Variants in GABRA3 observed in about 807,000 individuals in gnomAD.
GABRA3 encodes gamma-aminobutyric acid receptor subunit alpha-3.
GABRA3 carries 10 observed loss-of-function variants against 30.1 expected under a neutral mutation model. The ratio of observed to expected loss-of-function variants is 0.33; its 90% CI spans 0.20 to 0.56. The LOEUF is 0.56. GABRA3 is among the 20% of genes least tolerant of loss of function. GABRA3 has a pLI of 0.89. For missense variants in GABRA3, 233 were observed against 392.0 expected, an observed-to-expected ratio of 0.59 and a Z score of 3.42; for synonymous variants, 151 against 146.8, an observed-to-expected ratio of 1.03 and a Z score of -0.21.
At chrX:152,411,034 A>G (rs1930058473) in intron 1 of GABRA3, among the ~76,000 whole-genome samples, 1 of 112,213 alleles carries the variant, frequency 8.9e-6, no homozygotes, top group Non-Finnish European at 1.9e-5. Context: ...CGAAGGATGC[A>G]TGTGGTGACT....
At chrX:152,428,082 C>T (rs749338235) in intron 1 of GABRA3, among the ~76,000 whole-genome samples, 8 of 112,483 alleles carry the variant, frequency 7.1e-5, no homozygotes, top group East Asian at 5.6e-4. Flanking sequence ...AAAGCAATGA[C>T]GCCACTTAGA....
chrX:152,299,445 G>C (rs1387235341), intron 3 of GABRA3, among the ~76,000 whole-genome samples: 1 of 110,684 alleles, frequency 9.0e-6, no homozygotes, highest in Admixed American at 9.6e-5. Context: ...GGGAAGCAGG[G>C]GGAAGGTACA....
intron 1 of GABRA3, among the ~76,000 whole-genome samples, chrX:152,371,048 C>T (rs1460566487): frequency 9.0e-6 from 1 of 110,677 alleles, no homozygotes; most frequent in Admixed American, 9.7e-5. Context: ...ACTGTACCTG[C>T]CTGGAAAAAC....
intron 5 of GABRA3, among the ~76,000 whole-genome samples, chrX:152,226,917 C>A (rs757043951): frequency 1.8e-5 from 2 of 111,678 alleles, no homozygotes; most frequent in South Asian, 7.6e-4. Context: ...AAATAGAACT[C>A]TTTTACACTG....
intron 3 of GABRA3, among the ~76,000 whole-genome samples, chrX:152,340,832 T>A (rs1284405947): frequency 8.9e-6 from 1 of 111,973 alleles, no homozygotes; most frequent in Non-Finnish European, 1.9e-5. Context: ...TTGTTGACTT[T>A]CTTGGTTGGG....
At chrX:152,268,502 A>G (rs1180524645) in intron 4 of GABRA3, among the ~76,000 whole-genome samples, 1 of 112,335 alleles carries the variant, frequency 8.9e-6, no homozygotes, top group African/African-American at 3.2e-5. Flanking sequence ...CTGTGAGTCC[A>G]TTAAACCTCT....
intron 5 of GABRA3, among the ~76,000 whole-genome samples, chrX:152,230,984 C>T (rs1274592266): frequency 1.8e-5 from 2 of 109,359 alleles, no homozygotes; most frequent in African/African-American, 6.6e-5. Flanking sequence ...TTTTGCTTGT[C>T]AAAAGATACC....
chrX:152,214,475 T>C (rs1937679502), intron 6 of GABRA3, among the ~76,000 whole-genome samples: 1 of 111,697 alleles, frequency 9.0e-6, no homozygotes, highest in Admixed American at 9.5e-5. Context: ...TTTTGGTTAC[T>C]ATAGCTTCGT....
At chrX:152,238,987 A>G (rs1187895992) in intron 5 of GABRA3, among the ~76,000 whole-genome samples, 2 of 109,773 alleles carry the variant, frequency 1.8e-5, no homozygotes, top group Non-Finnish European at 3.8e-5. Context: ...TTGTGTCTCT[A>G]TTTCCTTCAG....
At chrX:152,431,843 T>C (rs1188930136) in intron 1 of GABRA3, among the ~76,000 whole-genome samples, 1 of 111,456 alleles carries the variant, frequency 9.0e-6, no homozygotes, top group Admixed American at 9.6e-5. Context: ...AGGAAGTCTC[T>C]AGAAGCCGGA....
chrX:152,236,564 C>T lies in GABRA3; in HGVS notation c.552-11719G>A, dbSNP rs1475426912. ...TTCCAGTTCTAGATCCCTGAGGAAT[C>T]GCCACACTGACTTCCACAATGGTTG... On this transcript the variant is annotated intron_variant, in intron 5 of 9. Coordinates refer to ENST00000370314, the MANE Select transcript of GABRA3 (RefSeq NM_000808.4). Among the ~76,000 whole-genome samples, 744 of 100,018 alleles carry T rather than the reference C, an allele frequency of 7.4e-3. 12 individuals carry two copies. Among genetic ancestry groups the T allele is most frequent in the African/African-American group, 0.026 (711 of 27,192 alleles). The allele number at this position is 100,018 out of a possible 115,157, so 86.9% of individuals were successfully genotyped here.
intron 2 of GABRA3, among the ~76,000 whole-genome samples, chrX:152,357,843 T>C (rs1336401411): frequency 9.0e-6 from 1 of 111,566 alleles, no homozygotes; most frequent in Non-Finnish European, 1.9e-5. Context: ...GTCAATGCTG[T>C]GAAAGATCAG....
At chrX:152,398,385 C>G (rs1322361644) in intron 1 of GABRA3, among the ~76,000 whole-genome samples, 1 of 109,474 alleles carries the variant, frequency 9.1e-6, no homozygotes, top group Non-Finnish European at 1.9e-5. Flanking sequence ...GAGAATTGCT[C>G]TAACTTAAAT....
intron 9 of GABRA3, among the ~76,000 whole-genome samples, chrX:152,184,342 GAGA>G (rs1262469270): frequency 3.6e-5 from 4 of 111,454 alleles, no homozygotes; most frequent in Non-Finnish European, 7.5e-5. Context: ...TTTGGTAACA[GAGA>G]AGATGTCTGT....
At chrX:152,428,638 CTG>C (rs112463984) in intron 1 of GABRA3, among the ~76,000 whole-genome samples, 2,891 of 111,729 alleles carry the variant, frequency 0.026, 100 homozygotes, top group African/African-American at 0.09. Flanking sequence ...CTTGTGGAAA[CTG>C]TGTCATTTAT....
chrX:152,366,545 T>A (rs1362023318), intron 1 of GABRA3, among the ~76,000 whole-genome samples: 1 of 111,922 alleles, frequency 8.9e-6, no homozygotes, highest in Non-Finnish European at 1.9e-5. Context: ...GGCAATTACA[T>A]AGAATTAAAT....
intron 3 of GABRA3, among the ~76,000 whole-genome samples, chrX:152,294,591 G>C (rs1939489752): frequency 1.8e-5 from 2 of 111,122 alleles, no homozygotes; most frequent in Admixed American, 1.9e-4. Context: ...TTAGCTCAGA[G>C]AAGTTTGTTA....
At chrX:152,402,757 A>T (rs915363540) in intron 1 of GABRA3, among the ~76,000 whole-genome samples, 1 of 112,151 alleles carries the variant, frequency 8.9e-6, no homozygotes, top group East Asian at 2.8e-4. Flanking sequence ...CATGTGACAG[A>T]TACTGTACCA....
At chrX:152,268,060 G>C (rs766397640) in intron 4 of GABRA3, among the ~76,000 whole-genome samples, 2 of 110,318 alleles carry the variant, frequency 1.8e-5, no homozygotes, top group Non-Finnish European at 3.8e-5. Context: ...AGTTTTTGAA[G>C]TGCATCATTA....
Sources: gnomAD v4.1 joint callset for allele counts (sites outside exome capture counted in the v4.1 genomes callset) on GRCh38, gnomAD v4.1.1 for gene constraint, MANE v1.5 for transcripts, NCBI Gene and HGNC (gene_info 2026-07-23, HGNC 2026-07-21) for gene names.